MORN3: variants seen among roughly 807,000 people sequenced by gnomAD.
The protein encoded by MORN3 is MORN repeat-containing protein 3.
MORN3 carries 38 observed loss-of-function variants against 34.7 expected under a neutral mutation model. The observed-to-expected ratio is 1.10, with a 90% confidence interval of 0.85 to 1.44. The LOEUF (loss-of-function observed/expected upper bound fraction) is 1.44, where lower values mean the gene tolerates loss of function less well. Ranked by LOEUF, MORN3 falls within the 40% of genes most tolerant of loss-of-function variation. The pLI, the probability that MORN3 is intolerant of heterozygous loss-of-function variation, is 0.00. For missense variants in MORN3, 311 were observed against 321.7 expected, an observed-to-expected ratio of 0.97 and a Z score of 0.25; for synonymous variants, 109 against 115.3, an observed-to-expected ratio of 0.95 and a Z score of 0.35.
chr12:121,654,261 G>A lies in MORN3; in HGVS notation c.463+13C>T. The A allele has an allele frequency of 6.5e-7, 1 of 1,539,830 alleles. No homozygotes were observed. Among genetic ancestry groups the A allele is most frequent in the Non-Finnish European group, 8.7e-7 (1 of 1,142,908 alleles). ...GGTCGGGTGGGCGGGGCCGGCGGGG[G>A]TGGGGCACTCACTCAGGCGCAGCAT... On this transcript the variant is annotated intron_variant, in intron 3 of 5. Coordinates refer to ENST00000355329, the MANE Select transcript of MORN3 (RefSeq NM_173855.5).
chr12:121,661,511 T>C (rs1375537823), intron 1 of MORN3, among the ~76,000 whole-genome samples: 1 of 152,210 alleles, frequency 6.6e-6, no homozygotes, highest in Non-Finnish European at 1.5e-5. Context: ...CTTTGTGACC[T>C]TGACCAAGTA....
At position 121,650,773 on chromosome 12, in the gene MORN3, G is replaced by C. The variant is rs77092857; in HGVS notation, c.*878C>G. 0.029 allele frequency: 4,486 copies of C among 152,236 alleles called. 176 individuals carry two copies. The highest frequency in any genetic ancestry group is 0.11 in the East Asian group (569 of 5,156). The allele number at this position is 152,236 out of a possible 1,614,324, so 9.4% of individuals were successfully genotyped here. Reference sequence around the variant, plus strand: ...TTGAACATGGGAGGCAGAGGTTGCAGTGAGCTGAGATCGCGCCACTGCATT... The same window carrying C: ...TTGAACATGGGAGGCAGAGGTTGCACTGAGCTGAGATCGCGCCACTGCATT... On this transcript the variant is annotated 3_prime_UTR_variant, in exon 6 of 6. Coordinates refer to ENST00000355329, the MANE Select transcript of MORN3 (RefSeq NM_173855.5).
At chr12:121,660,355 C>CTTTTTTTTTTT (rs200327265) in intron 1 of MORN3, among the ~76,000 whole-genome samples, 6 of 128,770 alleles carry the variant, frequency 4.7e-5, no homozygotes, top group African/African-American at 1.2e-4. Flanking sequence ...TTCTTTCTTT[C>CTTTTTTTTTTT]TTTTTTTTTT....
chr12:121,667,317 G>T (rs879550686), intron 1 of MORN3, among the ~76,000 whole-genome samples: 5 of 151,522 alleles, frequency 3.3e-5, no homozygotes, highest in Non-Finnish European at 5.9e-5. Context: ...GCAGTGGCAT[G>T]ATATTGGCTC....
chr12:121,659,608 C>A (rs1016849863), intron 1 of MORN3, among the ~76,000 whole-genome samples: 1 of 151,408 alleles, frequency 6.6e-6, no homozygotes, highest in Admixed American at 6.6e-5. Flanking sequence ...GATCTCAGCT[C>A]ACTGCAACCT....
chr12:121,659,392 G>T, intron 1 of MORN3, 44 bp from the exon 2 acceptor site: 2 of 1,604,034 alleles, frequency 1.2e-6, no homozygotes, highest in East Asian at 2.2e-5. Flanking sequence ...TGGCCGCCGG[G>T]GGGTGGGGGT....
At chr12:121,671,089 C>T (rs573329937), upstream of MORN3, among the ~76,000 whole-genome samples, 28 of 127,864 alleles carry the variant, frequency 2.2e-4, no homozygotes, top group East Asian at 2.1e-3. Flanking sequence ...CCAGCCTGGG[C>T]GAGACAGAGT....
chr12:121,664,245 C>A (rs902646606), intron 1 of MORN3, among the ~76,000 whole-genome samples: 1 of 152,176 alleles, frequency 6.6e-6, no homozygotes, highest in African/African-American at 2.4e-5. Flanking sequence ...CTGAAGCCCT[C>A]CTGAGTTGAA....
chr12:121,671,270 G>A (rs1306051846), upstream of MORN3, among the ~76,000 whole-genome samples: 2 of 151,550 alleles, frequency 1.3e-5, no homozygotes, highest in Admixed American at 6.6e-5. Context: ...AGCCGGGCGT[G>A]GTGGCGGGCG....
chr12:121,658,012 A>G lies in MORN3; in HGVS notation c.303+1179T>C, dbSNP rs547104776. Among the ~76,000 whole-genome samples the G allele has an allele frequency of 3.4e-4, 52 of 152,002 alleles. 1 individual carries two copies. The highest frequency in any genetic ancestry group is 1.9e-3 in the East Asian group (10 of 5,146). On this transcript the variant is annotated intron_variant, in intron 2 of 5. Transcript: ENST00000355329. ...AGCAAGAAGACAGCTTTGACTCCCT[A>G]TGATTTTATCTCTGACCAATCAGCA...
upstream of MORN3, among the ~76,000 whole-genome samples, chr12:121,669,833 T>G (rs1376223953): frequency 3.9e-4 from 40 of 103,664 alleles, no homozygotes; most frequent in African/African-American, 1.7e-3. Flanking sequence ...TATATATATA[T>G]TTTTTTTTTT....
At chr12:121,663,380 T>A (rs1893644201) in intron 1 of MORN3, among the ~76,000 whole-genome samples, 1 of 152,086 alleles carries the variant, frequency 6.6e-6, no homozygotes, top group Non-Finnish European at 1.5e-5. Flanking sequence ...GTATTTTTAG[T>A]AGAGACGGTG....
intron 1 of MORN3, among the ~76,000 whole-genome samples, chr12:121,661,070 C>T (rs1274121425): frequency 6.6e-6 from 1 of 152,114 alleles, no homozygotes; most frequent in African/African-American, 2.4e-5. Context: ...ATCCTTCTGC[C>T]TCAGCCTCCT....
In MORN3 at chr12:121,650,955, G is replaced by A. The variant is rs1181713526; in HGVS notation, c.*696C>T. 1 of 152,166 alleles carries A rather than the reference G, an allele frequency of 6.6e-6. No individual in the cohort carries two copies. Among genetic ancestry groups the A allele is most frequent in the Non-Finnish European group, 1.5e-5 (1 of 68,058 alleles). 9.4% of individuals were successfully genotyped at this position (152,166 alleles called of 1,614,324 possible). ...TCCACAGCTTTGCAAAGTTTCCATG[G>A]GATTTCAAGGTTGAGAGCCCTGTGT... On this transcript the variant is annotated 3_prime_UTR_variant, in exon 6 of 6. Coordinates refer to ENST00000355329, the MANE Select transcript of MORN3 (RefSeq NM_173855.5).
At chr12:121,655,355 C>T (rs1238469873) in intron 2 of MORN3, among the ~76,000 whole-genome samples, 9 of 149,376 alleles carry the variant, frequency 6.0e-5, no homozygotes, top group African/African-American at 2.2e-4. Flanking sequence ...AAAAAAAAAT[C>T]GCCCATCTGA....
Position 121,665,439 on chromosome 12 carries a change from C to A in MORN3, c.145+3900G>T, listed in dbSNP as rs373871439. Reference sequence around the variant, plus strand: ...CTCAGTAGCTGGGACTACAGGCGCCCGCCACCACGCCCGGCTAATTTTTTG... The same window carrying A: ...CTCAGTAGCTGGGACTACAGGCGCCAGCCACCACGCCCGGCTAATTTTTTG... On this transcript the variant is annotated intron_variant, in intron 1 of 5. Transcript: ENST00000355329. Among the ~76,000 whole-genome samples the A allele has an allele frequency of 2.0e-5, 3 of 150,100 alleles. No homozygotes were observed. In the East Asian group the frequency reaches 6.0e-4, roughly 30 times the overall value.
At chr12:121,665,182 C>T (rs1594233844) in intron 1 of MORN3, among the ~76,000 whole-genome samples, 1 of 150,628 alleles carries the variant, frequency 6.6e-6, no homozygotes. Flanking sequence ...AGTATATGGC[C>T]TGTGCTGGGG....
rs545150485 is a variant in MORN3, at chr12:121,669,220, G to C, written c.145+119C>G. On this transcript the variant is annotated intron_variant, in intron 1 of 5. Transcript: ENST00000355329. ...GCTGGCCTGGGCCAGCGCTCACCCT[G>C]GGGGAGCCTTGGGGACACATCTCAT... 9.8e-4 allele frequency: 1,353 copies of C among 1,374,650 alleles called. 6 individuals carry two copies. The highest frequency in any genetic ancestry group is 1.2e-3 in the South Asian group (99 of 79,660). The allele number at this position is 1,374,650 out of a possible 1,614,324, so 85.2% of individuals were successfully genotyped here.
chr12:121,668,273 G>C (rs927473288), intron 1 of MORN3, among the ~76,000 whole-genome samples: 7 of 151,460 alleles, frequency 4.6e-5, no homozygotes, highest in Non-Finnish European at 8.8e-5. Context: ...TGGGCGCAGT[G>C]GCTAAACGCC....
Sources: allele counts gnomAD v4.1 joint callset (sites outside exome capture counted in the v4.1 genomes callset), GRCh38; gene constraint gnomAD v4.1.1; transcripts MANE v1.5; gene names NCBI Gene and HGNC (gene_info 2026-07-23, HGNC 2026-07-21).